Variants in PAF1 observed in about 807,000 individuals in gnomAD.
PAF1 encodes the protein PAF1 component of Paf1/RNA polymerase II complex.
In PAF1, 31 loss-of-function variants were observed where a neutral mutation model predicts 68.4. The ratio of observed to expected loss-of-function variants is 0.45; its 90% CI spans 0.34 to 0.61. PAF1 has a LOEUF of 0.61. Among genes scored for constraint, PAF1 ranks in the 20% least tolerant of loss-of-function variants. PAF1 has a pLI of 0.01. For synonymous variants in PAF1, 256 were observed against 240.5 expected (o/e 1.06, Z -0.60); for missense variants, 435 against 692.9 (o/e 0.63, Z 4.18).
At chr19:39,390,223 T>TGCCCCACC in intron 2 of PAF1, 37 bp downstream of exon 2, 1 of 1,613,490 alleles carries the variant, frequency 6.2e-7, no homozygotes, top group East Asian at 2.2e-5. Context: ...CCAGCCCCAC[T>TGCCCCACC]GCCCCACCGC....
rs1568373829 is a variant in PAF1 at position 39,388,476 on chromosome 19, G to A, written c.858-9C>T. The A allele has an allele frequency of 1.9e-6, 3 of 1,614,030 alleles. No homozygotes were observed. Among genetic ancestry groups the A allele is most frequent in the South Asian group, 1.1e-5 (1 of 91,082 alleles). Reference sequence around the variant, plus strand: ...CAATTTTGTAGTCATACCTGAAGATGAGGGCACAGGTTCAGCCCCATTTCT... The same window carrying A: ...CAATTTTGTAGTCATACCTGAAGATAAGGGCACAGGTTCAGCCCCATTTCT... On this transcript the variant is annotated splice_polypyrimidine_tract_variant and intron_variant, in intron 10 of 13. Coordinates refer to ENST00000221265, the MANE Select transcript of PAF1 (RefSeq NM_019088.4).
chr19:39,390,769 C>A lies in PAF1; in HGVS notation c.47+49G>T, dbSNP rs1404115695. On this transcript the variant is annotated intron_variant, in intron 1 of 13. Coordinates refer to ENST00000221265, the MANE Select transcript of PAF1 (RefSeq NM_019088.4). ...GGCTGGTGACGTTGTTCAGCAGAAA[C>A]CCTCTCCCGATCCCCCGCCTTGCTG... The A allele has an allele frequency of 5.2e-6, 8 of 1,542,278 alleles. No individual in the cohort carries two copies. In the Admixed American group the frequency reaches 1.4e-4, roughly 26 times the overall value.
intron 11 of PAF1, among the ~76,000 whole-genome samples, chr19:39,387,831 A>T (rs1256180343): frequency 6.6e-6 from 1 of 152,202 alleles, no homozygotes; most frequent in Non-Finnish European, 1.5e-5. Context: ...AAAGGCTCTA[A>T]ATGTCTCCTG....
At position 39,391,084 on chromosome 19, in the gene PAF1, C is replaced by T. The variant is rs1333319843; in HGVS notation, c.-220G>A. 1 of 628,522 alleles carries T rather than the reference C, an allele frequency of 1.6e-6. No homozygotes were observed. Among genetic ancestry groups the T allele is most frequent in the African/African-American group, 1.8e-5 (1 of 54,398 alleles). The allele number at this position is 628,522 out of a possible 1,614,324, so 38.9% of individuals were successfully genotyped here. A position where few individuals can be genotyped will look rare whatever the true frequency, so the allele number is the denominator to read the frequency against. ...CGGGGACGGACTCGAAGCTCCGGTT[C>T]CACCAACTGCCGCCAAGACGCTGAG... On this transcript the variant is annotated 5_prime_UTR_variant, in exon 1 of 14. Transcript: ENST00000221265.
In PAF1 at chr19:39,389,210, G is replaced by C; in HGVS notation, c.462-12C>G. The stretch of plus-strand genomic sequence containing the variant: ...CAGAAACCCCAATCCTAGGAATGAA[G>C]AAAAAGGTCCTTAGGGGCCACTGGA... On this transcript the variant is annotated splice_polypyrimidine_tract_variant and intron_variant, in intron 6 of 13. Transcript: ENST00000221265. The surrounding 1 kb of genome is among the most constrained non-coding windows in gnomAD (Gnocchi z 5.3). 6.2e-7 allele frequency: 1 copy of C among 1,613,140 alleles called. No individual in the cohort carries two copies. Among genetic ancestry groups the C allele is most frequent in the South Asian group, 1.1e-5 (1 of 91,060 alleles).
chr19:39,389,610 A>G lies in PAF1; in HGVS notation c.292+30T>C. The G allele has an allele frequency of 6.2e-7, 1 of 1,614,210 alleles. No individual in the cohort carries two copies. Among genetic ancestry groups the G allele is most frequent in the Non-Finnish European group, 8.5e-7 (1 of 1,180,036 alleles). Reference sequence around the variant, plus strand: ...CCCAGGCCTGAGCCTTTGCTGACCTAGAGCAGACCCTCCCTGTCTCCCCAC... The same window carrying G: ...CCCAGGCCTGAGCCTTTGCTGACCTGGAGCAGACCCTCCCTGTCTCCCCAC... On this transcript the variant is annotated intron_variant, in intron 4 of 13. Transcript: ENST00000221265. The surrounding 1 kb of genome is among the most constrained non-coding windows in gnomAD (Gnocchi z 5.3).
At position 39,390,885 on chromosome 19, in the gene PAF1, C is replaced by T; in HGVS notation, c.-21G>A. On this transcript the variant is annotated 5_prime_UTR_variant, in exon 1 of 14. Transcript: ENST00000221265. The stretch of plus-strand genomic sequence containing the variant: ...GCCATAGCGACGAGGCGACGGCAGC[C>T]CGGACGGGGTCCTAGCGGGACCGAA... 1 of 1,571,318 alleles carries T rather than the reference C, an allele frequency of 6.4e-7. No individual in the cohort carries two copies. Among genetic ancestry groups the T allele is most frequent in the Non-Finnish European group, 8.6e-7 (1 of 1,158,058 alleles).
In PAF1 at chr19:39,389,244, A is replaced by G. The variant is rs199776216; in HGVS notation, c.461+38T>C. The G allele has an allele frequency of 2.6e-4, 415 of 1,607,336 alleles. 1 individual carries two copies. The African/African-American group carries it at 4.9e-3, about 19-fold the overall frequency. On this transcript the variant is annotated intron_variant, in intron 6 of 13. Transcript: ENST00000221265. This position sits in a 1 kb window ranked among gnomAD's most constrained non-coding sequence, Gnocchi z 5.3. ...CCTTAGGGGCCACTGGACACACCTA[A>G]TATCTCCACCTTCCCTCTCTTCCTG...
rs917533295 is a variant in PAF1 at position 39,389,408 on chromosome 19, A to C, written c.360-25T>G. ...TCTGGGGTGGGAAATCAGGTATCTC[A>C]GGACCCCACTGCCCTCCTGCTTGTA... On this transcript the variant is annotated intron_variant, in intron 5 of 13. Coordinates refer to ENST00000221265, the MANE Select transcript of PAF1 (RefSeq NM_019088.4). The surrounding 1 kb of genome is among the most constrained non-coding windows in gnomAD (Gnocchi z 5.3). The C allele has an allele frequency of 2.5e-6, 4 of 1,612,590 alleles. No individual in the cohort carries two copies. The highest frequency in any genetic ancestry group is 3.4e-6 in the Non-Finnish European group (4 of 1,178,642).
chr19:39,386,198 A>G lies in PAF1; in HGVS notation c.1389T>C (p.Asp463=). The change falls in exon 14 of 14, where the codon GAT becomes GAC. Residue 463 remains aspartate (D), a synonymous_variant. Coordinates refer to ENST00000221265, the MANE Select transcript of PAF1 (RefSeq NM_019088.4). This position sits in a 1 kb window ranked among gnomAD's most constrained non-coding sequence, Gnocchi z 6.1. ...IFGSDADSED[D]ADSDDEDRGQ... ...CTCTGTCCTCATCATCAGAGTCGGC[A>G]TCGTCCTCAGAATCAGCATCACTGC... 6.2e-7 allele frequency: 1 copy of G among 1,614,178 alleles called. No homozygotes were observed.
At chr19:39,390,611 C>A (rs2145943118) in intron 1 of PAF1, among the ~76,000 whole-genome samples, 1 of 152,230 alleles carries the variant, frequency 6.6e-6, no homozygotes, top group Middle Eastern at 3.4e-3. Context: ...TGGAGGGATC[C>A]CTTCTGGAGG....
In PAF1 at chr19:39,386,872, C is replaced by T; in HGVS notation, c.987-73G>A. On this transcript the variant is annotated intron_variant, in intron 11 of 13. Transcript: ENST00000221265. This position sits in a 1 kb window ranked among gnomAD's most constrained non-coding sequence, Gnocchi z 6.1. ...ACACACCTCCCACTTCCCCGCCCCC[C>T]AGTGAGGGGTCTGGTCTGACTTGGT... 2.0e-6 allele frequency: 2 copies of T among 993,316 alleles called. No individual in the cohort carries two copies. The highest frequency in any genetic ancestry group is 3.2e-6 in the Non-Finnish European group (2 of 618,758). 61.5% of individuals were successfully genotyped at this position (993,316 alleles called of 1,614,324 possible). A position where few individuals can be genotyped will look rare whatever the true frequency, so the allele number is the denominator to read the frequency against.
In PAF1 at chr19:39,390,101, G is replaced by A; in HGVS notation, c.138C>T (p.Pro46=). The part of the protein sequence containing the change: ...CNSLPDIPFD[P]KFITYPFDQN... ...GGTCGAAGGGGTAGGTGATGAACTT[G>A]GGGTCGAAGGGGATATCAGGGAGGC... The change falls in exon 3 of 14, where the codon CCC becomes CCT. Residue 46 remains proline (P), a synonymous_variant. Transcript: ENST00000221265. 6.2e-7 allele frequency: 1 copy of A among 1,613,934 alleles called. No individual in the cohort carries two copies. The highest frequency in any genetic ancestry group is 8.5e-7 in the Non-Finnish European group (1 of 1,179,862).
Position 39,386,936 on chromosome 19 carries a change from A to G in PAF1, c.987-137T>C. On this transcript the variant is annotated intron_variant, in intron 11 of 13. Coordinates refer to ENST00000221265, the MANE Select transcript of PAF1 (RefSeq NM_019088.4). This position sits in a 1 kb window ranked among gnomAD's most constrained non-coding sequence, Gnocchi z 6.1. ...TTAGAGTAAATGGGAATAAATACAG[A>G]TTGAATAAGGGCAGCTAAGCTCAAG... 2 of 656,638 alleles carry G rather than the reference A, an allele frequency of 3.0e-6. No individual in the cohort carries two copies. Among genetic ancestry groups the G allele is most frequent in the Non-Finnish European group, 5.5e-6 (2 of 363,016 alleles). 40.7% of individuals were successfully genotyped at this position (656,638 alleles called of 1,614,324 possible).
In PAF1 at chr19:39,385,875, C is replaced by A; in HGVS notation, c.*116G>T. The stretch of plus-strand genomic sequence containing the variant: ...AGTAAAGAGAAGTTGACTTTATTAA[C>A]AGCAAAGGTTTGGGGGTGGGGAACA... On this transcript the variant is annotated 3_prime_UTR_variant, in exon 14 of 14. Coordinates refer to ENST00000221265, the MANE Select transcript of PAF1 (RefSeq NM_019088.4). 6.9e-7 allele frequency: 1 copy of A among 1,457,750 alleles called. No homozygotes were observed. The allele number at this position is 1,457,750 out of a possible 1,614,324, so 90.3% of individuals were successfully genotyped here. A position where few individuals can be genotyped will look rare whatever the true frequency, so the allele number is the denominator to read the frequency against.
At position 39,389,704 on chromosome 19, in the gene PAF1, A is replaced by C; in HGVS notation, c.228T>G (p.Thr76=). ...LEKQHKHDLL[T]EPDLGVTIDL... ...CGATGGTGACCCCCAGGTCTGGCTC[A>C]GTCAGGAGGTCATGTTTGTGCTGTT... Residue 76 remains threonine (T), a synonymous_variant, in exon 4 of 14, where the codon ACT becomes ACG. Coordinates refer to ENST00000221265, the MANE Select transcript of PAF1 (RefSeq NM_019088.4). This position sits in a 1 kb window ranked among gnomAD's most constrained non-coding sequence, Gnocchi z 5.3. 1.2e-6 allele frequency: 2 copies of C among 1,614,146 alleles called. No individual in the cohort carries two copies. Among genetic ancestry groups the C allele is most frequent in the East Asian group, 4.5e-5 (2 of 44,872 alleles).
chr19:39,390,228 C>T (rs779440886), intron 2 of PAF1, 32 bp downstream of exon 2: 1 of 1,613,814 alleles, frequency 6.2e-7, no homozygotes, highest in South Asian at 1.1e-5. Context: ...CCCACTGCCC[C>T]ACCGCTCCTG....
At position 39,389,117 on chromosome 19, in the gene PAF1, C is replaced by T. The variant is rs766840064; in HGVS notation, c.543G>A (p.Lys181=). The change falls in exon 7 of 14, where the codon AAG becomes AAA. Residue 181 remains lysine (K), a synonymous_variant. Coordinates refer to ENST00000221265, the MANE Select transcript of PAF1 (RefSeq NM_019088.4). This position sits in a 1 kb window ranked among gnomAD's most constrained non-coding sequence, Gnocchi z 5.3. The stretch of plus-strand genomic sequence containing the variant: ...CTGATTTCTGGGCATCCTCAAAAGT[C>T]TTCTCAATGGCTGTGATCTGGCTAT... The part of the protein sequence containing the change: ...DRDSQITAIE[K]TFEDAQKSIS... 1 of 1,614,146 alleles carries T rather than the reference C, an allele frequency of 6.2e-7. No homozygotes were observed. Among genetic ancestry groups the T allele is most frequent in the Non-Finnish European group, 8.5e-7 (1 of 1,179,978 alleles).
At chr19:39,387,040 G>A (rs762475384) in intron 11 of PAF1, 12 of 578,828 alleles carry the variant, frequency 2.1e-5, no homozygotes, top group Non-Finnish European at 3.4e-5. Flanking sequence ...TGTGTTATAC[G>A]GTGTATTTAC....
Sources: allele counts gnomAD v4.1 joint callset (sites outside exome capture counted in the v4.1 genomes callset), GRCh38; gene constraint gnomAD v4.1.1; non-coding constraint Gnocchi (gnomAD v3.1); transcripts MANE v1.5; gene names NCBI Gene and HGNC (gene_info 2026-07-23, HGNC 2026-07-21).